Variants in PRUNE2 observed in about 807,000 individuals in gnomAD.
PRUNE2 encodes protein prune homolog 2.
In PRUNE2, 164 loss-of-function variants were observed where a neutral mutation model predicts 252.0. The observed-to-expected ratio is 0.65, with a 90% CI of 0.57 to 0.74. The LOEUF (loss-of-function observed/expected upper bound fraction) is 0.74, where lower values mean the gene tolerates loss of function less well. Ranked by LOEUF, PRUNE2 falls within the 30% of genes least tolerant of loss-of-function variation. The pLI, the probability that PRUNE2 is intolerant of heterozygous loss-of-function variation, is 0.00. For synonymous variants in PRUNE2, 1,292 were observed against 1,350.2 expected (o/e 0.96, Z 0.94); for missense variants, 3,495 against 3,711.0 (o/e 0.94, Z 1.51).
intron 9 of PRUNE2, among the ~76,000 whole-genome samples, chr9:76,664,095 G>A (rs1032904891): frequency 1.1e-4 from 16 of 152,272 alleles, no homozygotes; most frequent in South Asian, 2.1e-4. Context: ...CTAATTTCCC[G>A]TCCCTTAAGT....
intron 1 of PRUNE2, among the ~76,000 whole-genome samples, chr9:76,880,820 AT>A: frequency 6.6e-6 from 1 of 152,340 alleles, no homozygotes; most frequent in African/African-American, 2.4e-5. Context: ...ATAAAATGTT[AT>A]TTTGTTAACA....
At position 76,826,555 on chromosome 9, in the gene PRUNE2, G is replaced by A. The variant is rs751890581; in HGVS notation, c.661+25C>T. The A allele has an allele frequency of 3.3e-6, 5 of 1,528,932 alleles. No homozygotes were observed. In the East Asian group the frequency reaches 7.0e-5, roughly 21 times the overall value. The allele number at this position is 1,528,932 out of a possible 1,614,324, so 94.7% of individuals were successfully genotyped here. On this transcript the variant is annotated intron_variant, in intron 5 of 18. Coordinates refer to ENST00000376718, the MANE Select transcript of PRUNE2 (RefSeq NM_015225.3). ...AACCATCCCTACTCGGGAGGGACAAGAGAGCTGGGGACAGAGTCACTCACC... is the reference window on the plus strand; with the variant it reads ...AACCATCCCTACTCGGGAGGGACAAAAGAGCTGGGGACAGAGTCACTCACC...
rs532177658 is a variant in PRUNE2 at position 76,710,301 on chromosome 9, C to T, written c.1973G>A (p.Gly658Asp). The T allele has an allele frequency of 2.5e-6, 4 of 1,613,984 alleles. No individual in the cohort carries two copies. The highest frequency in any genetic ancestry group is 3.4e-6 in the Non-Finnish European group (4 of 1,179,892). The change falls in exon 8 of 19, where the codon GGT becomes GAT. Residue 658 changes from glycine (G) to aspartate (D), a missense_variant. Transcript: ENST00000376718. ...ATTTTTGGAGTCAATTTCCAAACCA[C>T]CCCACCAGCTGCTGCACCGTGCATG... Reference protein sequence around the residue: ...QTHARCSSWWGGLEIDSKNIA... With the variant: ...QTHARCSSWWDGLEIDSKNIA...
At chr9:76,811,509 G>A (rs1022524012) in intron 6 of PRUNE2, among the ~76,000 whole-genome samples, 2 of 152,182 alleles carry the variant, frequency 1.3e-5, no homozygotes, top group African/African-American at 4.8e-5. Context: ...GGCAATGAAT[G>A]AAGATAGAGG....
intron 4 of PRUNE2, among the ~76,000 whole-genome samples, chr9:76,834,668 T>C (rs1030641086): frequency 1.3e-5 from 2 of 152,216 alleles, no homozygotes; most frequent in Admixed American, 6.5e-5. Flanking sequence ...TATTGGCTTA[T>C]AGTTAAGTTT....
chr9:76,776,887 AACACATACACACACACACAC>A (rs61621156), intron 6 of PRUNE2, among the ~76,000 whole-genome samples: 2,787 of 96,528 alleles, frequency 0.029, 104 homozygotes, highest in African/African-American at 0.094. Context: ...TCATTACCAA[AACACATACACACACACACAC>A]ACACACACAC....
intron 11 of PRUNE2, 190 bp downstream of exon 11, chr9:76,652,293 A>G (rs570795392): frequency 3.4e-6 from 2 of 581,966 alleles, no homozygotes; most frequent in East Asian, 2.8e-5. Flanking sequence ...ATGGTTATGT[A>G]TGGCCTCTGT....
At chr9:76,833,626 C>G (rs1332444158) in intron 4 of PRUNE2, among the ~76,000 whole-genome samples, 3 of 151,568 alleles carry the variant, frequency 2.0e-5, no homozygotes, top group Non-Finnish European at 4.4e-5. Flanking sequence ...TTAGCCGGGC[C>G]TGGTGGCAGG....
Position 76,818,594 on chromosome 9 carries a change from G to A in PRUNE2, c.756+5038C>T, listed in dbSNP as rs144207666. Among the ~76,000 whole-genome samples, 747 of 152,170 alleles carry A rather than the reference G, an allele frequency of 4.9e-3. 6 individuals are homozygous for A. The highest frequency in any genetic ancestry group is 7.4e-3 in the Non-Finnish European group (500 of 68,022). On this transcript the variant is annotated intron_variant, in intron 6 of 18. Transcript: ENST00000376718. ...GAGGAGGTCTGAGGCCCAGAGCACA[G>A]CAGAACAGCCCAGAAAGAAAGAGAG...
intron 4 of PRUNE2, among the ~76,000 whole-genome samples, chr9:76,845,831 A>G (rs149197020): frequency 6.6e-6 from 1 of 152,338 alleles, no homozygotes; most frequent in African/African-American, 2.4e-5. Context: ...CTGTAAGTCA[A>G]TAATGGAATT....
At chr9:76,644,465 T>C in intron 12 of PRUNE2, 2 of 407,128 alleles carry the variant, frequency 4.9e-6, no homozygotes, top group Non-Finnish European at 8.6e-6. Context: ...TAGACAACTA[T>C]GACTTTCAAT....
intron 6 of PRUNE2, chr9:76,738,240 G>C (rs968539781): frequency 6.6e-6 from 1 of 152,184 alleles, no homozygotes; most frequent in Non-Finnish European, 1.5e-5. Flanking sequence ...GAGCAACCGA[G>C]CTGACTGTTT....
rs185214812 is a variant in PRUNE2 at position 76,628,154 on chromosome 9, A to C, written c.9149+1038T>G. 1.9e-3 allele frequency among the ~76,000 whole-genome samples: 285 copies of C among 152,346 alleles called. 1 individual carries two copies. Among genetic ancestry groups the C allele is most frequent in the Admixed American group, 2.2e-3 (34 of 15,294 alleles). ...ATTCAGATACAGTGAACAACAACAA[A>C]AAAAAAGACACACAGAAAACAATCG... On this transcript the variant is annotated intron_variant, in intron 16 of 18. Transcript: ENST00000376718.
chr9:76,631,021 C>A (rs2132388133), intron 15 of PRUNE2, among the ~76,000 whole-genome samples: 1 of 152,266 alleles, frequency 6.6e-6, no homozygotes, highest in East Asian at 1.9e-4. Flanking sequence ...TGTCTTCTAT[C>A]CATCTATCTT....
chr9:76,614,252 T>A lies in PRUNE2; in HGVS notation c.*318A>T. 1 of 366,516 alleles carries A rather than the reference T, an allele frequency of 2.7e-6. No homozygotes were observed. Among genetic ancestry groups the A allele is most frequent in the African/African-American group, 2.1e-5 (1 of 46,576 alleles). The allele number at this position is 366,516 out of a possible 1,614,324, so 22.7% of individuals were successfully genotyped here. A position where few individuals can be genotyped will look rare whatever the true frequency, so the allele number is the denominator to read the frequency against. ...CATACTTAACAGTGGATTAAAGGTA[T>A]CTTACTGGTAAACACCAGTCTAAGG... On this transcript the variant is annotated 3_prime_UTR_variant, in exon 19 of 19. Transcript: ENST00000376718.
chr9:76,675,786 A>G (rs2042428150), intron 9 of PRUNE2, among the ~76,000 whole-genome samples: 1 of 130,818 alleles, frequency 7.6e-6, no homozygotes, highest in African/African-American at 2.7e-5. Flanking sequence ...GAAATTGGAA[A>G]CCATCATTCT....
intron 9 of PRUNE2, among the ~76,000 whole-genome samples, chr9:76,678,859 A>C (rs2043103421): frequency 6.6e-6 from 1 of 152,170 alleles, no homozygotes; most frequent in South Asian, 2.1e-4. Flanking sequence ...AAATAAATAA[A>C]TAAAGTCCTT....
At chr9:76,641,477 A>C (rs1216786701) in intron 12 of PRUNE2, among the ~76,000 whole-genome samples, 1 of 152,182 alleles carries the variant, frequency 6.6e-6, no homozygotes, top group African/African-American at 2.4e-5. Context: ...AAAATCAGAT[A>C]ATACTATAAT....
In PRUNE2 at chr9:76,705,924, G is replaced by A; in HGVS notation, c.6350C>T (p.Thr2117Ile). ...CATGCAAGCACTGAGGTGCTTCTCA[G>A]TCTCTTGCTTTGCTTCAGAATCGTG... Reference protein sequence around the residue: ...ICHDSEAKQETEKHLSACMGP... With the variant: ...ICHDSEAKQEIEKHLSACMGP... The change falls in exon 8 of 19, where the codon ACT becomes ATT. Residue 2117 changes from threonine (T) to isoleucine (I), a missense_variant. Thr to Ile is a moderately conservative substitution (Grantham distance 89, BLOSUM62 -1). Transcript: ENST00000376718. 1 of 1,613,966 alleles carries A rather than the reference G, an allele frequency of 6.2e-7. No individual in the cohort carries two copies. The highest frequency in any genetic ancestry group is 8.5e-7 in the Non-Finnish European group (1 of 1,179,894).
Sources: gnomAD v4.1 joint callset for allele counts (sites outside exome capture counted in the v4.1 genomes callset) on GRCh38, gnomAD v4.1.1 for gene constraint, MANE v1.5 for transcripts, NCBI Gene and HGNC (gene_info 2026-07-23, HGNC 2026-07-21) for gene names.